The following RALGPS2 variants were observed in gnomAD, a reference collection of about 807,000 sequenced individuals.
The protein encoded by RALGPS2 is Ral GEF with PH domain and SH3 binding motif 2.
Under a neutral mutation model 86.8 loss-of-function variants are expected in RALGPS2, and 43 were observed. The ratio of observed to expected loss-of-function variants is 0.50; its 90% confidence interval spans 0.39 to 0.64. RALGPS2 has a LOEUF of 0.64. RALGPS2 is among the 30% of genes least tolerant of loss of function. The pLI is 0.00. For missense variants in RALGPS2, 536 were observed against 694.6 expected (o/e 0.77, Z 2.57); for synonymous variants, 243 against 231.3 (o/e 1.05, Z -0.46).
intron 16 of RALGPS2, among the ~76,000 whole-genome samples, chr1:178,896,118 C>G (rs1216919191): frequency 6.6e-6 from 1 of 151,910 alleles, no homozygotes; most frequent in Non-Finnish European, 1.5e-5. Context: ...AAAGAGTGGC[C>G]AGCTGGGTCA....
chr1:178,910,490 A>G (rs757046098), intron 19 of RALGPS2, among the ~76,000 whole-genome samples: 7 of 152,230 alleles, frequency 4.6e-5, no homozygotes, highest in Non-Finnish European at 1.0e-4. Flanking sequence ...AATTTTATCA[A>G]AAGCCTTTTT....
chr1:178,896,280 G>A (rs1337896267), intron 16 of RALGPS2, among the ~76,000 whole-genome samples: 1 of 151,960 alleles, frequency 6.6e-6, no homozygotes, highest in African/African-American at 2.4e-5. Flanking sequence ...AGACACCCTT[G>A]CAAGAAGTTA....
intron 12 of RALGPS2, among the ~76,000 whole-genome samples, 171 bp from the exon 13 acceptor site, chr1:178,885,798 T>C (rs923808567): frequency 2.0e-5 from 3 of 152,214 alleles, no homozygotes; most frequent in African/African-American, 4.8e-5. Context: ...TATAGATAGA[T>C]AGGGCCAGGT....
At chr1:178,851,169 GA>G in intron 8 of RALGPS2, 2 of 1,613,872 alleles carry the variant, frequency 1.2e-6, no homozygotes, top group Non-Finnish European at 1.7e-6. Flanking sequence ...TGCTCTTAAG[GA>G]GTATGACCCG....
chr1:178,742,922 C>T (rs990488129), intron 1 of RALGPS2, among the ~76,000 whole-genome samples: 3 of 152,148 alleles, frequency 2.0e-5, no homozygotes, highest in South Asian at 2.1e-4. Context: ...AACAACAAAT[C>T]AGAATTTGTG....
chr1:178,816,025 A>G (rs1655209986), intron 6 of RALGPS2, among the ~76,000 whole-genome samples: 1 of 152,228 alleles, frequency 6.6e-6, no homozygotes, highest in Non-Finnish European at 1.5e-5. Context: ...TTTTATGAAT[A>G]AAACTGTTAT....
At chr1:178,914,118 G>C (rs919107235) in intron 19 of RALGPS2, among the ~76,000 whole-genome samples, 19 of 152,154 alleles carry the variant, frequency 1.2e-4, no homozygotes, top group African/African-American at 4.6e-4. Flanking sequence ...ACTCACCCCA[G>C]TCCCATGGGA....
chr1:178,803,818 C>G (rs989774768), intron 4 of RALGPS2, among the ~76,000 whole-genome samples: 1 of 152,216 alleles, frequency 6.6e-6, no homozygotes, highest in Non-Finnish European at 1.5e-5. Flanking sequence ...TGTCATCTCT[C>G]CCCTCAGTAT....
chr1:178,918,210 A>G lies in RALGPS2; in HGVS notation c.*1851A>G, dbSNP rs1254683404. 1.3e-5 allele frequency: 2 copies of G among 152,190 alleles called. No individual in the cohort carries two copies. Among genetic ancestry groups the G allele is most frequent in the African/African-American group, 4.8e-5 (2 of 41,470 alleles). 9.4% of individuals were successfully genotyped at this position (152,190 alleles called of 1,614,324 possible). On this transcript the variant is annotated 3_prime_UTR_variant, in exon 20 of 20. Coordinates refer to ENST00000367635, the MANE Select transcript of RALGPS2 (RefSeq NM_152663.5). ...GAATGATTTTTCAATTAATGCTCTA[A>G]GCTTAACCCATGTTGGGTAATAGAA...
At position 178,784,568 on chromosome 1, in the gene RALGPS2, A is replaced by G. The variant is rs757040222; in HGVS notation, c.162+46A>G. 21 of 1,429,502 alleles carry G rather than the reference A, an allele frequency of 1.5e-5. No homozygotes were observed. In the Admixed American group the frequency reaches 2.2e-4, roughly 15 times the overall value. The allele number at this position is 1,429,502 out of a possible 1,614,324, so 88.6% of individuals were successfully genotyped here. Reference sequence around the variant, plus strand: ...TTCTCCGGTTTTGCACATAATTTACATATTGGTGCTATTGAGTTAGAATTT... The same window carrying G: ...TTCTCCGGTTTTGCACATAATTTACGTATTGGTGCTATTGAGTTAGAATTT... On this transcript the variant is annotated intron_variant, in intron 3 of 19. Coordinates refer to ENST00000367635, the MANE Select transcript of RALGPS2 (RefSeq NM_152663.5).
intron 8 of RALGPS2, among the ~76,000 whole-genome samples, chr1:178,877,144 A>G (rs1659040708): frequency 6.6e-6 from 1 of 152,164 alleles, no homozygotes; most frequent in South Asian, 2.1e-4. Context: ...ACTCTCCATT[A>G]TGAAACTAGT....
rs553960735 is a variant in RALGPS2 at position 178,837,814 on chromosome 1, G to A, written c.607+4264G>A. On this transcript the variant is annotated intron_variant, in intron 8 of 19. Coordinates refer to ENST00000367635, the MANE Select transcript of RALGPS2 (RefSeq NM_152663.5). ...TGTGACAGAAGGCACCTGGAAAATC[G>A]GGTCACTCCCACCCTAATACTGCAC... Among the ~76,000 whole-genome samples the A allele has an allele frequency of 2.9e-4, 44 of 152,238 alleles. 1 individual carries two copies. In the South Asian group the frequency reaches 8.5e-3, roughly 29 times the overall value.
At chr1:178,847,387 A>G (rs1041473518) in intron 8 of RALGPS2, among the ~76,000 whole-genome samples, 2 of 152,176 alleles carry the variant, frequency 1.3e-5, no homozygotes, top group African/African-American at 2.4e-5. Context: ...CAGAGGTTGC[A>G]GTGAGCCGAG....
At chr1:178,796,690 A>T (rs1243062106) in intron 4 of RALGPS2, among the ~76,000 whole-genome samples, 1 of 152,154 alleles carries the variant, frequency 6.6e-6, no homozygotes, top group Non-Finnish European at 1.5e-5. Flanking sequence ...TGAAATTTAG[A>T]TCAAGAATTT....
At chr1:178,824,027 G>A (rs745970255) in intron 7 of RALGPS2, among the ~76,000 whole-genome samples, 3 of 152,104 alleles carry the variant, frequency 2.0e-5, no homozygotes, top group Non-Finnish European at 4.4e-5. Flanking sequence ...AGGAAATTAC[G>A]GGTAGGACAC....
chr1:178,759,067 T>G (rs1478829335), intron 1 of RALGPS2, among the ~76,000 whole-genome samples: 2 of 152,198 alleles, frequency 1.3e-5, no homozygotes, highest in African/African-American at 2.4e-5. Context: ...AAAAGCTTTT[T>G]AACTTGATGT....
At chr1:178,756,917 A>G (rs1359879522) in intron 1 of RALGPS2, among the ~76,000 whole-genome samples, 1 of 151,944 alleles carries the variant, frequency 6.6e-6, no homozygotes, top group East Asian at 1.9e-4. Flanking sequence ...ATTCTTTCAA[A>G]CCAGCAGCAT....
chr1:178,731,462 T>G (rs1163158409), intron 1 of RALGPS2, among the ~76,000 whole-genome samples: 3 of 151,790 alleles, frequency 2.0e-5, no homozygotes, highest in Non-Finnish European at 4.4e-5. Context: ...TTTGTATTTT[T>G]GGTAGAGATG....
At chr1:178,789,019 A>C (rs12060102) in intron 4 of RALGPS2, among the ~76,000 whole-genome samples, 12,216 of 151,050 alleles carry the variant, frequency 0.081, 514 homozygotes, top group African/African-American at 0.1. Flanking sequence ...TGATTATCCT[A>C]CCTCAGCCTC....
Sources: gnomAD v4.1 joint callset for allele counts (sites outside exome capture counted in the v4.1 genomes callset) on GRCh38, gnomAD v4.1.1 for gene constraint, MANE v1.5 for transcripts, NCBI Gene and HGNC (gene_info 2026-07-23, HGNC 2026-07-21) for gene names.